CCDC141: variants seen among roughly 807,000 people sequenced by gnomAD.
The protein encoded by CCDC141 is coiled-coil domain-containing protein 141.
In CCDC141, 168 loss-of-function variants were observed where a neutral mutation model predicts 181.0. The ratio of observed to expected loss-of-function variants is 0.93; its 90% CI spans 0.82 to 1.05. CCDC141 has a LOEUF of 1.05. Ranked by LOEUF, CCDC141 falls within the 50% of genes least tolerant of loss-of-function variation. CCDC141 has a pLI of 0.00. For synonymous variants in CCDC141, 666 were observed against 642.3 expected (o/e 1.04, Z -0.56); for missense variants, 1,902 against 1,788.5 (o/e 1.06, Z -1.14).
Position 178,832,213 on chromosome 2 carries a change from T to C in CCDC141, c.*1960A>G, listed in dbSNP as rs907139188. On this transcript the variant is annotated 3_prime_UTR_variant, in exon 24 of 24. Coordinates refer to ENST00000443758, the MANE Select transcript of CCDC141 (RefSeq NM_173648.4). ...GCAAGATTCACACATTATTTGAAAT[T>C]GGACAAAAAGGATACAAGAGGCCGG... 1 of 152,006 alleles carries C rather than the reference T, an allele frequency of 6.6e-6. No individual in the cohort carries two copies. The highest frequency in any genetic ancestry group is 1.5e-5 in the Non-Finnish European group (1 of 67,990). 9.4% of individuals were successfully genotyped at this position (152,006 alleles called of 1,614,324 possible).
chr2:178,878,182 A>AT (rs534699556), intron 11 of CCDC141, 39 bp from the exon 12 acceptor site: 35 of 1,409,772 alleles, frequency 2.5e-5, no homozygotes, highest in East Asian at 1.7e-4. Flanking sequence ...ACTTAAACAC[A>AT]TTTTTTTAAA....
chr2:179,049,878 G>A lies in CCDC141; in HGVS notation c.64C>T (p.Gln22Ter). The change falls in exon 1 of 24, where the codon CAG becomes TAG. Residue 22 changes from glutamine to a stop codon, truncating the protein, a stop_gained. Coordinates refer to ENST00000443758, the MANE Select transcript of CCDC141 (RefSeq NM_173648.4). LOFTEE classifies it high-confidence loss of function. ...STTTVSSVAV[Q>*]AGDSKIVIAV... ...ATAACGATTTTGGAGTCCCCAGCCT[G>A]CACAGCAACTGAACTGACTGTCGTC... The A allele has an allele frequency of 1.9e-6, 3 of 1,550,798 alleles. No individual in the cohort carries two copies. The highest frequency in any genetic ancestry group is 1.4e-5 in the African/African-American group (1 of 73,158).
intron 2 of CCDC141, among the ~76,000 whole-genome samples, chr2:178,979,547 G>A (rs1361078656): frequency 6.6e-6 from 1 of 152,124 alleles, no homozygotes; most frequent in Non-Finnish European, 1.5e-5. Context: ...CACTATCAGA[G>A]TGAGGAAAAA....
In CCDC141 at chr2:178,856,307, C is replaced by T. The variant is rs1244958227; in HGVS notation, c.2815G>A (p.Ala939Thr). Reference sequence around the variant, plus strand: ...ACTTGCTGAATTTGATATTTAAGCGCCTTCAGATTCCGAGATTTTTCATTT... The same window carrying T: ...ACTTGCTGAATTTGATATTTAAGCGTCTTCAGATTCCGAGATTTTTCATTT... ...KKNEKSRNLK[A>T]LKYQIQQVDM... The change falls in exon 18 of 24, where the codon GCG becomes ACG. Residue 939 changes from alanine to threonine, a missense_variant. By Grantham distance (58) the Ala-to-Thr change is moderately conservative. Transcript: ENST00000443758. The T allele has an allele frequency of 5.6e-6, 9 of 1,609,778 alleles. No individual in the cohort carries two copies. The Admixed American group carries it at 8.5e-5, about 15-fold the overall frequency.
chr2:178,853,543 C>T lies in CCDC141; in HGVS notation c.3142G>A (p.Val1048Met), dbSNP rs747887019. 5 of 1,614,010 alleles carry T rather than the reference C, an allele frequency of 3.1e-6. No individual in the cohort carries two copies. Among genetic ancestry groups the T allele is most frequent in the East Asian group, 2.2e-5 (1 of 44,874 alleles). ...TTAAACTGCTGGTGGAGAATTTTCACAGCTTCCTTTGTCTTGCACTCTGTG... is the reference window on the plus strand; with the variant it reads ...TTAAACTGCTGGTGGAGAATTTTCATAGCTTCCTTTGTCTTGCACTCTGTG... ...YSTECKTKEA[V>M]KILHQQFNKF... The change falls in exon 20 of 24, where the codon GTG becomes ATG. Residue 1048 changes from valine (V) to methionine (M), a missense_variant. By Grantham distance (21) the Val-to-Met change is conservative (BLOSUM62 1). Coordinates refer to ENST00000443758, the MANE Select transcript of CCDC141 (RefSeq NM_173648.4).
At chr2:178,906,873 G>A (rs1021490863) in intron 7 of CCDC141, among the ~76,000 whole-genome samples, 6 of 151,830 alleles carry the variant, frequency 4.0e-5, no homozygotes, top group Non-Finnish European at 7.4e-5. Flanking sequence ...ACACAAATGC[G>A]CTCATGCCCC....
At chr2:178,817,016 T>C in the CCDC141 span, among the ~76,000 whole-genome samples, 1 of 152,212 alleles carries the variant, frequency 6.6e-6, no homozygotes, top group Non-Finnish European at 1.5e-5. Flanking sequence ...AATGTACTTA[T>C]AATTTTACAG....
At chr2:178,853,088 A>G (rs1239137398) in intron 20 of CCDC141, among the ~76,000 whole-genome samples, 1 of 152,220 alleles carries the variant, frequency 6.6e-6, no homozygotes, top group Admixed American at 6.5e-5. Flanking sequence ...TTTTCAAGGA[A>G]TCACTCTAGT....
chr2:179,021,852 T>C (rs929374878), intron 2 of CCDC141, among the ~76,000 whole-genome samples: 6 of 152,174 alleles, frequency 3.9e-5, no homozygotes, highest in African/African-American at 1.4e-4. Flanking sequence ...CTAAGTATAA[T>C]GTAAATGGAA....
chr2:179,041,784 C>G (rs901940203), intron 2 of CCDC141, among the ~76,000 whole-genome samples: 3 of 152,050 alleles, frequency 2.0e-5, no homozygotes. Flanking sequence ...ACAAAACAGA[C>G]TGTAAACCAA....
At chr2:178,866,392 GCTTT>G (rs1685852446) in intron 16 of CCDC141, among the ~76,000 whole-genome samples, 1 of 152,106 alleles carries the variant, frequency 6.6e-6, no homozygotes, top group South Asian at 2.1e-4. Context: ...GAGACTTCTT[GCTTT>G]CTTTTTCTTT....
chr2:178,868,276 T>A, intron 15 of CCDC141, 71 bp from the exon 16 acceptor site: 1 of 1,337,176 alleles, frequency 7.5e-7, no homozygotes, highest in Non-Finnish European at 1.0e-6. Flanking sequence ...GCCTAATTTC[T>A]ATAGCACATT....
chr2:178,903,443 C>T (rs1475300829), intron 8 of CCDC141, among the ~76,000 whole-genome samples: 1 of 152,004 alleles, frequency 6.6e-6, no homozygotes, highest in East Asian at 1.9e-4. Flanking sequence ...ATTATGAGTT[C>T]ATGTCCTTTG....
At chr2:178,990,728 C>G (rs771005580) in intron 2 of CCDC141, among the ~76,000 whole-genome samples, 2 of 151,820 alleles carry the variant, frequency 1.3e-5, no homozygotes, top group Non-Finnish European at 2.9e-5. Context: ...GATGATTCCA[C>G]TTACATGAAA....
chr2:178,890,958 G>A (rs1282117615), intron 8 of CCDC141, among the ~76,000 whole-genome samples: 7 of 152,058 alleles, frequency 4.6e-5, no homozygotes. Context: ...TGTCAGAAAA[G>A]TAGCAATAAC....
At chr2:179,047,515 T>A (rs1315915793) in intron 1 of CCDC141, 109 bp from the exon 2 acceptor site, 2 of 962,742 alleles carry the variant, frequency 2.1e-6, no homozygotes, top group Admixed American at 3.8e-5. Context: ...CTGTAAACAC[T>A]TTTTTCTATT....
At chr2:178,984,561 C>T (rs1184459335) in intron 2 of CCDC141, among the ~76,000 whole-genome samples, 1 of 150,568 alleles carries the variant, frequency 6.6e-6, no homozygotes, top group African/African-American at 2.4e-5. Flanking sequence ...GTGCTGTATT[C>T]AGGAAACCCA....
In CCDC141 at chr2:178,837,357, C is replaced by T; in HGVS notation, c.3862G>A (p.Glu1288Lys). 3 of 1,614,088 alleles carry T rather than the reference C, an allele frequency of 1.9e-6. No individual in the cohort carries two copies. The highest frequency in any genetic ancestry group is 2.2e-5 in the East Asian group (1 of 44,870). Residue 1288 changes from glutamate (E) to lysine (K), a missense_variant, in exon 23 of 24, where the codon GAG (glutamate) becomes AAG (lysine). Transcript: ENST00000443758. ...GCTTTGAACTGGAGGTAAGGCCTCT[C>T]AAAATGACTTGAAAATGTTTCTCTC... ...DKRETFSSHF[E>K]RPYLQFKAEP...
chr2:178,971,174 C>G (rs1690868826), intron 4 of CCDC141, among the ~76,000 whole-genome samples: 1 of 152,132 alleles, frequency 6.6e-6, no homozygotes, highest in South Asian at 2.1e-4. Flanking sequence ...CACCACTGCA[C>G]TCCAGCCTGG....
Sources: allele counts gnomAD v4.1 joint callset (sites outside exome capture counted in the v4.1 genomes callset), GRCh38; gene constraint gnomAD v4.1.1; transcripts MANE v1.5; gene names NCBI Gene and HGNC (gene_info 2026-07-23, HGNC 2026-07-21).